SPECC1L: variants seen among roughly 807,000 people sequenced by gnomAD.
SPECC1L encodes the protein sperm antigen with calponin homology and coiled-coil domains 1 like.
SPECC1L carries 40 observed loss-of-function variants against 116.8 expected under a neutral mutation model. The observed-to-expected ratio is 0.34, with a 90% CI of 0.27 to 0.45. The LOEUF (loss-of-function observed/expected upper bound fraction) is 0.45. Among genes scored for constraint, SPECC1L ranks in the 20% least tolerant of loss-of-function variants. SPECC1L has a pLI of 1.00. For synonymous variants in SPECC1L, 504 were observed against 500.6 expected (o/e 1.01, Z -0.09); for missense variants, 1,110 against 1,373.6 (o/e 0.81, Z 3.03).
At chr22:24,276,507 C>T (rs2048840676) in intron 1 of SPECC1L, among the ~76,000 whole-genome samples, 193 bp from the exon 2 acceptor site, 1 of 152,168 alleles carries the variant, frequency 6.6e-6, no homozygotes, top group Non-Finnish European at 1.5e-5. Context: ...GTGGTGCGCA[C>T]CTGTAGTGCC....
intron 14 of SPECC1L, among the ~76,000 whole-genome samples, chr22:24,395,020 G>T (rs906516829): frequency 5.3e-5 from 8 of 151,986 alleles, no homozygotes; most frequent in African/African-American, 1.5e-4. Context: ...TGTAGATAGG[G>T]TTTCATCATG....
chr22:24,378,801 A>G (rs1490170747), intron 14 of SPECC1L, among the ~76,000 whole-genome samples: 1 of 152,236 alleles, frequency 6.6e-6, no homozygotes, highest in Non-Finnish European at 1.5e-5. Context: ...CAATTACTAT[A>G]GTAACATCAA....
chr22:24,271,395 T>C (rs2048724014), intron 1 of SPECC1L, among the ~76,000 whole-genome samples: 1 of 152,216 alleles, frequency 6.6e-6, no homozygotes, highest in Admixed American at 6.5e-5. Flanking sequence ...GGGACAGCGT[T>C]GTTCAGTGGC....
chr22:24,416,114 C>T lies in SPECC1L; in HGVS notation c.*1491C>T, dbSNP rs1200255560. 1 of 152,234 alleles carries T rather than the reference C, an allele frequency of 6.6e-6. No individual in the cohort carries two copies. Among genetic ancestry groups the T allele is most frequent in the African/African-American group, 2.4e-5 (1 of 41,458 alleles). 9.4% of individuals were successfully genotyped at this position (152,234 alleles called of 1,614,324 possible). A position where few individuals can be genotyped will look rare whatever the true frequency, so the allele number is the denominator to read the frequency against. ...GATTGTGGGCTGAGGGGTCTGCATT[C>T]AAGCACGATGTTCTAGAATAGGAGT... On this transcript the variant is annotated 3_prime_UTR_variant, in exon 17 of 17. Transcript: ENST00000314328.
At chr22:24,352,851 AT>A (rs2041453666) in intron 11 of SPECC1L, among the ~76,000 whole-genome samples, 1 of 152,178 alleles carries the variant, frequency 6.6e-6, no homozygotes, top group Non-Finnish European at 1.5e-5. Context: ...TCCCCAACAT[AT>A]TATAATGAAA....
intron 4 of SPECC1L, among the ~76,000 whole-genome samples, chr22:24,319,409 C>A (rs1194653794): frequency 6.6e-6 from 1 of 152,162 alleles, no homozygotes; most frequent in Non-Finnish European, 1.5e-5. Flanking sequence ...TAACTGCTTC[C>A]ATGATTAAAT....
intron 1 of SPECC1L, among the ~76,000 whole-genome samples, chr22:24,273,391 ATC>A (rs1569397521): frequency 6.6e-6 from 1 of 152,238 alleles, no homozygotes; most frequent in East Asian, 1.9e-4. Context: ...TTGAAGGACT[ATC>A]TTTTCTTTAA....
At chr22:24,393,919 A>T (rs1324875126) in intron 14 of SPECC1L, among the ~76,000 whole-genome samples, 6 of 152,178 alleles carry the variant, frequency 3.9e-5, no homozygotes, top group Non-Finnish European at 8.8e-5. Context: ...ATAGTTTTAT[A>T]TAAATAGAAT....
chr22:24,414,635 G>A lies in SPECC1L; in HGVS notation c.*12G>A. On this transcript the variant is annotated 3_prime_UTR_variant, in exon 17 of 17. Transcript: ENST00000314328. Reference sequence around the variant, plus strand: ...ACTTTGAGACCTGAGCATGCCGGGAGGAGCCGCCCCAATAGCGGGGGTACC... The same window carrying A: ...ACTTTGAGACCTGAGCATGCCGGGAAGAGCCGCCCCAATAGCGGGGGTACC... The A allele has an allele frequency of 1.9e-6, 3 of 1,612,874 alleles. No homozygotes were observed. Among genetic ancestry groups the A allele is most frequent in the Middle Eastern group, 1.7e-4 (1 of 6,024 alleles).
chr22:24,410,629 T>C (rs1388344625), intron 14 of SPECC1L, among the ~76,000 whole-genome samples: 2 of 152,226 alleles, frequency 1.3e-5, no homozygotes, highest in African/African-American at 2.4e-5. Flanking sequence ...AGATTACTTT[T>C]TTTTAACCAC....
chr22:24,333,800 A>G (rs1601569828), intron 8 of SPECC1L, among the ~76,000 whole-genome samples: 1 of 151,738 alleles, frequency 6.6e-6, no homozygotes, highest in East Asian at 1.9e-4. Context: ...GAGCCAGTCT[A>G]CCTCCTTTTT....
At chr22:24,337,592 C>T (rs8135108) in intron 9 of SPECC1L, among the ~76,000 whole-genome samples, 6,151 of 152,200 alleles carry the variant, frequency 0.04, 411 homozygotes, top group African/African-American at 0.14. Context: ...AATTTTGTCT[C>T]AGTACATAAG....
chr22:24,370,500 T>A (rs1186187723), intron 14 of SPECC1L, among the ~76,000 whole-genome samples: 2 of 152,238 alleles, frequency 1.3e-5, no homozygotes, highest in African/African-American at 4.8e-5. Flanking sequence ...TTGTAACTGC[T>A]GTGGAAAATA....
At chr22:24,277,303 C>T (rs1347025932) in intron 2 of SPECC1L, among the ~76,000 whole-genome samples, 1 of 152,170 alleles carries the variant, frequency 6.6e-6, no homozygotes, top group Non-Finnish European at 1.5e-5. Flanking sequence ...TGTCATTAAC[C>T]TTTCATATTA....
At chr22:24,371,432 G>A (rs765057808) in intron 14 of SPECC1L, among the ~76,000 whole-genome samples, 123 of 152,228 alleles carry the variant, frequency 8.1e-4, no homozygotes, top group Middle Eastern at 3.4e-3. Flanking sequence ...GGGCAGCATC[G>A]GGAGGCCCTA....
chr22:24,282,200 C>G (rs958507360), intron 2 of SPECC1L, among the ~76,000 whole-genome samples: 3 of 152,212 alleles, frequency 2.0e-5, no homozygotes. Context: ...TTCTCAAGCA[C>G]TGATCTCAAG....
At chr22:24,396,308 G>A (rs570230615) in intron 14 of SPECC1L, among the ~76,000 whole-genome samples, 188 of 145,746 alleles carry the variant, frequency 1.3e-3, no homozygotes, top group African/African-American at 4.3e-3. Context: ...TTTTTTTTTT[G>A]TTGTTGTTTT....
At chr22:24,356,882 A>G (rs1436944977) in intron 11 of SPECC1L, among the ~76,000 whole-genome samples, 5 of 152,070 alleles carry the variant, frequency 3.3e-5, no homozygotes, top group East Asian at 1.9e-4. Flanking sequence ...TGGCGTCCAC[A>G]TAACTGTTGT....
rs117572699 is a variant in SPECC1L, at chr22:24,309,938, G to A, written c.154-3375G>A. ...TCCACGAGTCAGAACTATATGAGAA[G>A]ATATGTTCAGAAAAGTGCCCCTCTC... On this transcript the variant is annotated intron_variant, in intron 3 of 16. Coordinates refer to ENST00000314328, the MANE Select transcript of SPECC1L (RefSeq NM_015330.6). Among the ~76,000 whole-genome samples, 441 of 152,216 alleles carry A rather than the reference G, an allele frequency of 2.9e-3. 2 individuals carry two copies. The highest frequency in any genetic ancestry group is 0.014 in the Middle Eastern group (4 of 294).
Sources: allele counts gnomAD v4.1 joint callset (sites outside exome capture counted in the v4.1 genomes callset), GRCh38; gene constraint gnomAD v4.1.1; transcripts MANE v1.5; gene names NCBI Gene and HGNC (gene_info 2026-07-23, HGNC 2026-07-21).